Variants in CYP7B1 observed in about 807,000 individuals in gnomAD.
CYP7B1 encodes the protein cytochrome P450 7B1.
CYP7B1 carries 29 observed loss-of-function variants against 42.7 expected under a neutral mutation model. The observed-to-expected ratio is 0.68, with a 90% CI of 0.51 to 0.93. The LOEUF is 0.93. Among genes scored for constraint, CYP7B1 ranks in the 40% least tolerant of loss-of-function variants. The pLI, the probability that CYP7B1 is intolerant of heterozygous loss-of-function variation, is 0.00. For synonymous variants in CYP7B1, 235 were observed against 218.2 expected, an observed-to-expected ratio of 1.08 and a Z score of -0.68; for missense variants, 655 against 600.5, an observed-to-expected ratio of 1.09 and a Z score of -0.95.
At chr8:64,671,531 A>T (rs560524639) in intron 1 of CYP7B1, among the ~76,000 whole-genome samples, 13 of 152,124 alleles carry the variant, frequency 8.5e-5, no homozygotes, top group Non-Finnish European at 1.8e-4. Context: ...GCCTCATGTA[A>T]TCAGTAGAAA....
intron 1 of CYP7B1, among the ~76,000 whole-genome samples, chr8:64,762,904 T>C (rs959187704): frequency 2.6e-5 from 4 of 152,156 alleles, no homozygotes; most frequent in African/African-American, 9.7e-5. Flanking sequence ...TAGGTACACA[T>C]AGTGCACAAA....
At chr8:64,719,441 C>T (rs183585612) in intron 1 of CYP7B1, among the ~76,000 whole-genome samples, 3 of 152,202 alleles carry the variant, frequency 2.0e-5, no homozygotes, top group Admixed American at 1.3e-4. Context: ...ATTTTAAAAG[C>T]GAAACTGAGT....
chr8:64,770,691 A>G (rs1804207832), intron 1 of CYP7B1, among the ~76,000 whole-genome samples: 2 of 152,352 alleles, frequency 1.3e-5, no homozygotes, highest in South Asian at 2.1e-4. Context: ...TTGGTGCTCA[A>G]GAGTGCCTGG....
chr8:64,670,607 T>C (rs965471144), intron 1 of CYP7B1, among the ~76,000 whole-genome samples: 1 of 152,202 alleles, frequency 6.6e-6, no homozygotes, highest in East Asian at 1.9e-4. Flanking sequence ...GCGCCACTCA[T>C]TCTGCAGGAA....
intron 1 of CYP7B1, among the ~76,000 whole-genome samples, chr8:64,635,093 CAA>C (rs1365838756): frequency 1.3e-5 from 2 of 152,198 alleles, no homozygotes; most frequent in African/African-American, 2.4e-5. Flanking sequence ...TTGCCAAACT[CAA>C]GAGCATCTCA....
chr8:64,626,710 T>G (rs1352136055), intron 1 of CYP7B1, among the ~76,000 whole-genome samples: 1 of 152,098 alleles, frequency 6.6e-6, no homozygotes, highest in African/African-American at 2.4e-5. Context: ...TGATTTAAAG[T>G]AAAAAAGGTA....
chr8:64,770,846 G>C (rs1029808130), intron 1 of CYP7B1, among the ~76,000 whole-genome samples: 3 of 152,072 alleles, frequency 2.0e-5, no homozygotes, highest in African/African-American at 7.2e-5. Flanking sequence ...AAATATCCCA[G>C]TAGCATGCAG....
chr8:64,599,143 G>A (rs997726002), intron 5 of CYP7B1, among the ~76,000 whole-genome samples: 3 of 151,944 alleles, frequency 2.0e-5, no homozygotes, highest in African/African-American at 7.2e-5. Flanking sequence ...CCATTCATTT[G>A]GAAAAACTTA....
chr8:64,732,297 G>A (rs895369243), intron 1 of CYP7B1, among the ~76,000 whole-genome samples: 7 of 152,196 alleles, frequency 4.6e-5, no homozygotes, highest in African/African-American at 1.4e-4. Flanking sequence ...TTGCAGCAGT[G>A]TGACCTGGAT....
intron 1 of CYP7B1, among the ~76,000 whole-genome samples, chr8:64,736,035 A>G (rs1481103126): frequency 6.6e-6 from 1 of 152,234 alleles, no homozygotes; most frequent in Non-Finnish European, 1.5e-5. Context: ...AATGCCTTTT[A>G]TCTTCTGACA....
chr8:64,750,748 C>T (rs1807714259), intron 1 of CYP7B1, among the ~76,000 whole-genome samples: 4 of 152,090 alleles, frequency 2.6e-5, no homozygotes, highest in African/African-American at 9.7e-5. Flanking sequence ...CTCCCTCTAC[C>T]CTGGGTTTAA....
chr8:64,590,323 T>A (rs1805017520), downstream of CYP7B1, among the ~76,000 whole-genome samples: 1 of 152,162 alleles, frequency 6.6e-6, no homozygotes, highest in South Asian at 2.1e-4. Context: ...GTACGTAGGG[T>A]TACTAAAAAC....
intron 1 of CYP7B1, among the ~76,000 whole-genome samples, chr8:64,667,132 A>G (rs1418517157): frequency 1.3e-5 from 2 of 152,196 alleles, no homozygotes; most frequent in Non-Finnish European, 2.9e-5. Flanking sequence ...ATTTATTCTC[A>G]AAAAGAAAAA....
intron 1 of CYP7B1, among the ~76,000 whole-genome samples, chr8:64,744,176 G>A (rs1335713387): frequency 1.3e-5 from 2 of 152,130 alleles, no homozygotes; most frequent in Non-Finnish European, 2.9e-5. Flanking sequence ...AGTCAACTGA[G>A]TGTTAGAAGA....
At position 64,604,851 on chromosome 8, in the gene CYP7B1, C is replaced by T; in HGVS notation, c.1064G>A (p.Ser355Asn). ...GGACAGTCGTAAAGCTTCAAAAATG[C>T]TGCTTTCTGAAGGAAAAAAACAAAC... Reference protein sequence around the residue: ...QLDSLICLESSIFEALRLSSY... With the variant: ...QLDSLICLESNIFEALRLSSY... The change falls in exon 5 of 6, where the codon AGC becomes AAC. Residue 355 changes from serine (S) to asparagine (N), a missense_variant. Physicochemically the swap from Ser to Asn is conservative, Grantham distance 46. Coordinates refer to ENST00000310193, the MANE Select transcript of CYP7B1 (RefSeq NM_004820.5). 1 of 1,613,762 alleles carries T rather than the reference C, an allele frequency of 6.2e-7. No homozygotes were observed. Among genetic ancestry groups the T allele is most frequent in the Non-Finnish European group, 8.5e-7 (1 of 1,179,980 alleles).
rs1407365539 is a variant in CYP7B1 at position 64,772,989 on chromosome 8, C to T, written c.122+25477G>A. 3.9e-5 allele frequency among the ~76,000 whole-genome samples: 6 copies of T among 152,176 alleles called. No homozygotes were observed. In the East Asian group the frequency reaches 5.8e-4, roughly 15 times the overall value. Reference sequence around the variant, plus strand: ...TCAAATATTACTTTCTCAGTGAGAGCTAATCTTACTACCACCCTACATAAA... The same window carrying T: ...TCAAATATTACTTTCTCAGTGAGAGTTAATCTTACTACCACCCTACATAAA... On this transcript the variant is annotated intron_variant, in intron 1 of 5. Transcript: ENST00000310193.
chr8:64,614,053 G>T (rs956235825), intron 4 of CYP7B1, among the ~76,000 whole-genome samples: 1 of 152,120 alleles, frequency 6.6e-6, no homozygotes, highest in African/African-American at 2.4e-5. Flanking sequence ...TTTGTCTAAA[G>T]AAACTTGGAA....
intron 1 of CYP7B1, among the ~76,000 whole-genome samples, chr8:64,650,326 A>G (rs1005795847): frequency 5.3e-5 from 8 of 152,220 alleles, no homozygotes; most frequent in African/African-American, 1.9e-4. Flanking sequence ...AATTAGAAAC[A>G]AAGTCATAGA....
At chr8:64,655,747 G>T (rs1806111504) in intron 1 of CYP7B1, among the ~76,000 whole-genome samples, 1 of 152,058 alleles carries the variant, frequency 6.6e-6, no homozygotes, top group Non-Finnish European at 1.5e-5. Context: ...CAATAGCAAA[G>T]ACATGAAATC....
Sources: gnomAD v4.1 joint callset for allele counts (sites outside exome capture counted in the v4.1 genomes callset) on GRCh38, gnomAD v4.1.1 for gene constraint, MANE v1.5 for transcripts, NCBI Gene and HGNC (gene_info 2026-07-23, HGNC 2026-07-21) for gene names.